ANKS1B: variants seen among roughly 807,000 people sequenced by gnomAD.
ANKS1B encodes the protein ankyrin repeat and sterile alpha motif domain-containing protein 1B.
Under a neutral mutation model 148.3 loss-of-function variants are expected in ANKS1B, and 36 were observed. That is an observed-to-expected ratio of 0.24 (90% CI 0.19 to 0.32). The LOEUF (loss-of-function observed/expected upper bound fraction) is 0.32, where lower values mean the gene tolerates loss of function less well. ANKS1B is among the 10% of genes least tolerant of loss of function. ANKS1B has a pLI of 1.00. For synonymous variants in ANKS1B, 542 were observed against 560.8 expected (o/e 0.97, Z 0.47); for missense variants, 1,157 against 1,542.6 (o/e 0.75, Z 4.19).
intron 24 of ANKS1B, among the ~76,000 whole-genome samples, chr12:98,777,632 C>T (rs1000998087): frequency 3.9e-5 from 6 of 152,242 alleles, no homozygotes; most frequent in Admixed American, 2.0e-4. Flanking sequence ...CACTTTAGTG[C>T]TAAATCTATT....
At chr12:99,642,232 T>C (rs544477033) in intron 9 of ANKS1B, among the ~76,000 whole-genome samples, 60 of 152,310 alleles carry the variant, frequency 3.9e-4, no homozygotes, top group African/African-American at 1.4e-3. Flanking sequence ...ACAGGAAAGC[T>C]GAAATGCATT....
chr12:99,752,463 G>T (rs771952507), intron 8 of ANKS1B, among the ~76,000 whole-genome samples: 3 of 151,874 alleles, frequency 2.0e-5, no homozygotes, highest in Non-Finnish European at 4.4e-5. Context: ...TAGCTAGTAC[G>T]TAATATAGGT....
chr12:99,858,019 A>G (rs555816054), intron 1 of ANKS1B, among the ~76,000 whole-genome samples: 10 of 152,162 alleles, frequency 6.6e-5, no homozygotes, highest in Non-Finnish European at 1.2e-4. Context: ...ACACAACAAA[A>G]CAAAGACAAA....
At chr12:99,692,430 G>T (rs2053233529) in intron 8 of ANKS1B, among the ~76,000 whole-genome samples, 1 of 152,110 alleles carries the variant, frequency 6.6e-6, no homozygotes, top group East Asian at 1.9e-4. Context: ...CAGCACTTTG[G>T]GAGGCTGAGG....
chr12:99,340,862 TAATAA>T (rs1256943643), intron 12 of ANKS1B, among the ~76,000 whole-genome samples: 1 of 152,092 alleles, frequency 6.6e-6, no homozygotes, highest in Non-Finnish European at 1.5e-5. Context: ...TTCTGAGAAA[TAATAA>T]AATACAGATA....
chr12:99,275,399 T>C (rs1303508408), intron 12 of ANKS1B, among the ~76,000 whole-genome samples: 1 of 152,218 alleles, frequency 6.6e-6, no homozygotes, highest in Non-Finnish European at 1.5e-5. Context: ...ATGAGTTCAA[T>C]TGTTTTGATG....
intron 19 of ANKS1B, among the ~76,000 whole-genome samples, chr12:98,820,866 AAC>A (rs1317142622): frequency 6.6e-6 from 1 of 152,170 alleles, no homozygotes; most frequent in African/African-American, 2.4e-5. Context: ...GGAAAACAGA[AAC>A]AGTTTTGCAA....
At chr12:99,926,076 T>C (rs2094471375) in intron 1 of ANKS1B, among the ~76,000 whole-genome samples, 1 of 152,226 alleles carries the variant, frequency 6.6e-6, no homozygotes, top group South Asian at 2.1e-4. Context: ...TCCCATTTTA[T>C]AGAATGATAA....
At chr12:99,255,701 G>A (rs1302948540) in intron 12 of ANKS1B, among the ~76,000 whole-genome samples, 1 of 151,868 alleles carries the variant, frequency 6.6e-6, no homozygotes, top group Non-Finnish European at 1.5e-5. Context: ...TTAGTATTAT[G>A]GCATCTCCTT....
intron 15 of ANKS1B, among the ~76,000 whole-genome samples, chr12:99,089,178 T>G (rs1354397051): frequency 3.9e-5 from 6 of 152,094 alleles, no homozygotes; most frequent in African/African-American, 7.2e-5. Flanking sequence ...TCATTTTTTT[T>G]TTTCACATAA....
At chr12:99,761,371 G>A (rs2062098100) in intron 8 of ANKS1B, among the ~76,000 whole-genome samples, 1 of 151,768 alleles carries the variant, frequency 6.6e-6, no homozygotes, top group Non-Finnish European at 1.5e-5. Context: ...TTTCTCCCTG[G>A]GATACAGGGT....
At chr12:99,166,538 A>G (rs1328438980) in intron 14 of ANKS1B, among the ~76,000 whole-genome samples, 2 of 152,026 alleles carry the variant, frequency 1.3e-5, no homozygotes, top group African/African-American at 4.8e-5. Context: ...CACCAAAACT[A>G]TGAAATTCTA....
chr12:99,753,829 C>A (rs750803787), intron 8 of ANKS1B, among the ~76,000 whole-genome samples: 5 of 151,988 alleles, frequency 3.3e-5, no homozygotes, highest in Non-Finnish European at 7.4e-5. Context: ...CGAGATCAAC[C>A]TGGCCAACAT....
intron 16 of ANKS1B, among the ~76,000 whole-genome samples, chr12:99,066,654 T>C (rs2044437123): frequency 6.6e-6 from 1 of 152,170 alleles, no homozygotes; most frequent in Non-Finnish European, 1.5e-5. Flanking sequence ...TGAGTAAAGC[T>C]AATAGGTCTT....
At chr12:99,869,500 C>T (rs1007503149) in intron 1 of ANKS1B, among the ~76,000 whole-genome samples, 7 of 151,718 alleles carry the variant, frequency 4.6e-5, no homozygotes, top group East Asian at 1.9e-4. Flanking sequence ...ATGGAGAAAC[C>T]CATCTCTACT....
intron 14 of ANKS1B, among the ~76,000 whole-genome samples, chr12:99,236,051 G>T (rs2087852486): frequency 6.6e-6 from 1 of 152,198 alleles, no homozygotes; most frequent in Non-Finnish European, 1.5e-5. Flanking sequence ...TTAGTAGCAT[G>T]GAGCCGAGGA....
chr12:99,485,808 T>G (rs1157894989), intron 10 of ANKS1B, among the ~76,000 whole-genome samples: 2 of 152,174 alleles, frequency 1.3e-5, no homozygotes, highest in Non-Finnish European at 2.9e-5. Flanking sequence ...CTATTTGTTC[T>G]AGTCTATTGT....
chr12:99,825,320 T>C lies in ANKS1B; in HGVS notation c.204A>G (p.Leu68=). 9 of 1,612,546 alleles carry C rather than the reference T, an allele frequency of 5.6e-6. No homozygotes were observed. The highest frequency in any genetic ancestry group is 7.6e-6 in the Non-Finnish European group (9 of 1,179,224). The change falls in exon 2 of 27, where the codon TTA becomes TTG. Residue 68 remains leucine, a synonymous_variant. Transcript: ENST00000683438. ...SGYTALHHAA[L]NGHKDIVLKL... is the part of the protein sequence containing the mutation. ...TAAGTGGCACTTACTTATGTCCATT[T>C]AAGGCTGCGTGGTGTAAAGCAGTGT...
intron 15 of ANKS1B, chr12:99,093,724 T>C (rs4762222): frequency 0.75 from 114,684 of 152,050 alleles, 43,481 homozygotes; most frequent in East Asian, 0.91. Flanking sequence ...AAAAAGGAGA[T>C]TCGTTAATTC....
Sources: allele counts gnomAD v4.1 joint callset (sites outside exome capture counted in the v4.1 genomes callset), GRCh38; gene constraint gnomAD v4.1.1; transcripts MANE v1.5; gene names NCBI Gene and HGNC (gene_info 2026-07-23, HGNC 2026-07-21).